Variants in MLLT10 observed in about 807,000 individuals in gnomAD.
MLLT10 encodes the protein MLLT10 histone lysine methyltransferase DOT1L cofactor.
Under a neutral mutation model 129.1 loss-of-function variants are expected in MLLT10, and 30 were observed. The ratio of observed to expected loss-of-function variants is 0.23; its 90% CI spans 0.17 to 0.32. The LOEUF is 0.32. Ranked by LOEUF, MLLT10 falls within the 10% of genes least tolerant of loss-of-function variation. MLLT10 has a pLI of 1.00. For synonymous variants in MLLT10, 490 were observed against 446.4 expected, an observed-to-expected ratio of 1.10 and a Z score of -1.23; for missense variants, 1,119 against 1,268.3, an observed-to-expected ratio of 0.88 and a Z score of 1.79.
intron 9 of MLLT10, among the ~76,000 whole-genome samples, chr10:21,666,436 C>T (rs975527600): frequency 5.3e-5 from 8 of 151,946 alleles, no homozygotes; most frequent in African/African-American, 1.5e-4. Flanking sequence ...GAGGCCGAAG[C>T]GGGTGGATCA....
intron 13 of MLLT10, among the ~76,000 whole-genome samples, chr10:21,695,560 A>G (rs1413915735): frequency 6.6e-6 from 1 of 152,162 alleles, no homozygotes; most frequent in Non-Finnish European, 1.5e-5. Flanking sequence ...TAGGTTCTTA[A>G]TCATTTAAAA....
intron 13 of MLLT10, among the ~76,000 whole-genome samples, chr10:21,693,496 A>C (rs1293212693): frequency 1.6e-4 from 25 of 151,862 alleles, no homozygotes; most frequent in Admixed American, 1.6e-3. Flanking sequence ...AGAAAAAAAA[A>C]CCCCAATTTA....
chr10:21,739,610 G>A (rs939304137), intron 21 of MLLT10, among the ~76,000 whole-genome samples: 1 of 152,098 alleles, frequency 6.6e-6, no homozygotes, highest in African/African-American at 2.4e-5. Flanking sequence ...ATAAATATAC[G>A]CTGCATGGAG....
chr10:21,724,693 A>G (rs1283799773), intron 14 of MLLT10, among the ~76,000 whole-genome samples: 3 of 152,250 alleles, frequency 2.0e-5, no homozygotes, highest in Admixed American at 1.3e-4. Flanking sequence ...CATTTTGTAT[A>G]CAAGAGATTT....
At chr10:21,543,535 G>A (rs1479872110) in intron 3 of MLLT10, among the ~76,000 whole-genome samples, 1 of 151,570 alleles carries the variant, frequency 6.6e-6, no homozygotes, top group Admixed American at 6.6e-5. Flanking sequence ...TTGGAGTGCA[G>A]TGGCATCATC....
intron 13 of MLLT10, among the ~76,000 whole-genome samples, chr10:21,692,763 A>G (rs1216076488): frequency 6.6e-6 from 1 of 152,126 alleles, no homozygotes; most frequent in Non-Finnish European, 1.5e-5. Flanking sequence ...CTGGGATTAC[A>G]GGCATGAGCC....
chr10:21,663,939 T>G (rs543621468), intron 9 of MLLT10, among the ~76,000 whole-genome samples: 1 of 152,304 alleles, frequency 6.6e-6, no homozygotes, highest in South Asian at 2.1e-4. Context: ...AGTTTTGTGT[T>G]TGTTTTAGGG....
intron 3 of MLLT10, among the ~76,000 whole-genome samples, chr10:21,552,293 TC>T (rs1588884209): frequency 1.3e-5 from 2 of 152,226 alleles, no homozygotes; most frequent in East Asian, 3.9e-4. Context: ...TTTATTTTTT[TC>T]CTCTGTGATT....
intron 21 of MLLT10, among the ~76,000 whole-genome samples, chr10:21,737,378 A>C (rs925322117): frequency 6.6e-6 from 1 of 152,200 alleles, no homozygotes; most frequent in Non-Finnish European, 1.5e-5. Context: ...TGGTGGGCAC[A>C]CGGGGCAGTT....
intron 5 of MLLT10, among the ~76,000 whole-genome samples, chr10:21,604,153 C>T (rs2043833811): frequency 6.6e-6 from 1 of 152,128 alleles, no homozygotes; most frequent in Admixed American, 6.5e-5. Context: ...TCCCAGTAGT[C>T]CCCAAAACTG....
At position 21,625,912 on chromosome 10, in the gene MLLT10, A is replaced by G. The variant is rs1425804852; in HGVS notation, c.699+8705A>G. On this transcript the variant is annotated intron_variant, in intron 8 of 22. Transcript: ENST00000307729. ...CAAAAAGGGGCACCAACTCATCCTC[A>G]TATACATCTCTTGGTATTTTACCTA... is the stretch of plus-strand genomic sequence containing the variant. The G allele has an allele frequency of 6.4e-6, 5 of 785,580 alleles. No individual in the cohort carries two copies. The East Asian group carries it at 9.7e-5, about 15-fold the overall frequency. 48.7% of individuals were successfully genotyped at this position (785,580 alleles called of 1,614,324 possible). A position where few individuals can be genotyped will look rare whatever the true frequency, so the allele number is the denominator to read the frequency against.
intron 8 of MLLT10, among the ~76,000 whole-genome samples, chr10:21,648,745 AG>A (rs2048746397): frequency 6.6e-6 from 1 of 152,218 alleles, no homozygotes; most frequent in Admixed American, 6.5e-5. Flanking sequence ...TTATAGAAAA[AG>A]AGGTTTAATG....
chr10:21,646,721 A>G (rs1299987564), intron 8 of MLLT10, among the ~76,000 whole-genome samples: 1 of 152,224 alleles, frequency 6.6e-6, no homozygotes, highest in Admixed American at 6.5e-5. Context: ...CCTAACAAGC[A>G]GTGAAGATAA....
intron 3 of MLLT10, among the ~76,000 whole-genome samples, chr10:21,570,479 A>C (rs1317995716): frequency 6.6e-6 from 1 of 152,128 alleles, no homozygotes; most frequent in Non-Finnish European, 1.5e-5. Flanking sequence ...ATGATTTCTA[A>C]AGACTTTTTT....
intron 8 of MLLT10, chr10:21,625,467 C>T: frequency 9.8e-7 from 1 of 1,016,776 alleles, no homozygotes; most frequent in South Asian, 1.3e-5. Context: ...GGATATGGTT[C>T]TTCACAGGGT....
At chr10:21,665,633 T>A (rs1406529632) in intron 9 of MLLT10, among the ~76,000 whole-genome samples, 1 of 152,118 alleles carries the variant, frequency 6.6e-6, no homozygotes, top group Non-Finnish European at 1.5e-5. Context: ...TATGAGTTTA[T>A]TCATTCATTG....
intron 13 of MLLT10, among the ~76,000 whole-genome samples, chr10:21,699,644 G>T (rs1389098998): frequency 6.6e-6 from 1 of 151,442 alleles, no homozygotes; most frequent in Non-Finnish European, 1.5e-5. Flanking sequence ...CCTTTCCTCG[G>T]TGTACGTACT....
chr10:21,735,800 G>A (rs1344246609), intron 21 of MLLT10, among the ~76,000 whole-genome samples: 3 of 152,118 alleles, frequency 2.0e-5, no homozygotes, highest in Non-Finnish European at 2.9e-5. Flanking sequence ...CAGCCATGTG[G>A]TCAGAGGGTG....
At position 21,741,968 on chromosome 10, in the gene MLLT10, T is replaced by C. The variant is rs1241403610; in HGVS notation, c.3192T>C (p.Ala1064=). ...TTAGTGATAAAACTGGGCCTGTAGC[T>C]CAAGAGAAAAGTTGACACCTGAGAA... ...ARLSDKTGPV[A]QEKS is the part of the protein sequence containing the mutation. The change falls in exon 23 of 23, where the codon GCT becomes GCC. Residue 1064 remains alanine (A), a synonymous_variant. Transcript: ENST00000307729. 1 of 1,612,316 alleles carries C rather than the reference T, an allele frequency of 6.2e-7. No homozygotes were observed. The highest frequency in any genetic ancestry group is 2.2e-5 in the East Asian group (1 of 44,838).
Sources: allele counts gnomAD v4.1 joint callset (sites outside exome capture counted in the v4.1 genomes callset), GRCh38; gene constraint gnomAD v4.1.1; transcripts MANE v1.5; gene names NCBI Gene and HGNC (gene_info 2026-07-23, HGNC 2026-07-21).